FBXO32: variants seen among roughly 807,000 people sequenced by gnomAD.
The protein encoded by FBXO32 is F-box only protein 32.
FBXO32 carries 15 observed loss-of-function variants against 48.3 expected under a neutral mutation model. That is an observed-to-expected ratio of 0.31 (90% CI 0.21 to 0.48). The LOEUF is 0.48. Ranked by LOEUF, FBXO32 falls within the 20% of genes least tolerant of loss-of-function variation. The probability of loss-of-function intolerance (pLI) is 0.99; values close to 1 mark genes in which losing one functional copy is unlikely to be tolerated. For synonymous variants in FBXO32, 154 were observed against 165.9 expected, an observed-to-expected ratio of 0.93 and a Z score of 0.55; for missense variants, 309 against 432.7, an observed-to-expected ratio of 0.71 and a Z score of 2.54.
At position 123,500,165 on chromosome 8, in the gene FBXO32, A is replaced by C. The variant is rs1816452209; in HGVS notation, c.*3208T>G. On this transcript the variant is annotated 3_prime_UTR_variant, in exon 9 of 9. Coordinates refer to ENST00000517956, the MANE Select transcript of FBXO32 (RefSeq NM_058229.4). ...TTTTTTTTTTTCTGGATCTTGCTCTAGTGTGAGCACTCCTGAACTTCACAT... is the reference window on the plus strand; with the variant it reads ...TTTTTTTTTTTCTGGATCTTGCTCTCGTGTGAGCACTCCTGAACTTCACAT... 1.3e-5 allele frequency: 2 copies of C among 151,764 alleles called. No individual in the cohort carries two copies. Among genetic ancestry groups the C allele is most frequent in the Admixed American group, 1.3e-4 (2 of 15,240 alleles). The allele number at this position is 151,764 out of a possible 1,614,324, so 9.4% of individuals were successfully genotyped here.
chr8:123,517,419 A>G (rs1326479384), intron 4 of FBXO32, among the ~76,000 whole-genome samples: 1 of 152,176 alleles, frequency 6.6e-6, no homozygotes, highest in Non-Finnish European at 1.5e-5. Flanking sequence ...AACTGACAGC[A>G]TAACGACATG....
intron 1 of FBXO32, among the ~76,000 whole-genome samples, chr8:123,538,865 G>T (rs1817359661): frequency 6.6e-6 from 1 of 152,130 alleles, no homozygotes; most frequent in South Asian, 2.1e-4. Context: ...CCTGATTCCA[G>T]CCCAGTCTAA....
chr8:123,536,373 T>G (rs1426471529), intron 1 of FBXO32, among the ~76,000 whole-genome samples: 1 of 152,076 alleles, frequency 6.6e-6, no homozygotes, highest in Non-Finnish European at 1.5e-5. Context: ...AACACATGAG[T>G]GTGTTTCTGT....
intron 6 of FBXO32, among the ~76,000 whole-genome samples, chr8:123,507,438 G>GGTGGGTGT (rs1816649747): frequency 7.2e-6 from 1 of 139,802 alleles, no homozygotes; most frequent in Non-Finnish European, 1.5e-5. Flanking sequence ...TCTGTGCTAG[G>GGTGGGTGT]GTGTGTGTGT....
intron 4 of FBXO32, among the ~76,000 whole-genome samples, chr8:123,528,630 T>A (rs951340198): frequency 6.6e-6 from 1 of 152,204 alleles, no homozygotes; most frequent in Non-Finnish European, 1.5e-5. Flanking sequence ...TATAAACATC[T>A]TTCTAAGTTA....
chr8:123,510,948 C>G (rs1816723089), intron 6 of FBXO32, among the ~76,000 whole-genome samples: 1 of 152,214 alleles, frequency 6.6e-6, no homozygotes, highest in Admixed American at 6.5e-5. Flanking sequence ...AAGAAGGCAG[C>G]AAGCTTCAAA....
At chr8:123,535,070 C>T (rs1435073070) in intron 1 of FBXO32, among the ~76,000 whole-genome samples, 1 of 151,540 alleles carries the variant, frequency 6.6e-6, no homozygotes, top group Non-Finnish European at 1.5e-5. Flanking sequence ...CTAACAGTGC[C>T]TTGCATTGTA....
At position 123,531,879 on chromosome 8, in the gene FBXO32, T is replaced by C. The variant is rs148639338; in HGVS notation, c.372+19A>G. On this transcript the variant is annotated intron_variant, in intron 4 of 8. Transcript: ENST00000517956. ...CTTGGGAAAGAGCCTGGATGAGCCT[T>C]TAGGCACTTGAGACTTACCCGGACC... is the stretch of plus-strand genomic sequence containing the variant. 3 of 1,613,464 alleles carry C rather than the reference T, an allele frequency of 1.9e-6. No individual in the cohort carries two copies. Among genetic ancestry groups the C allele is most frequent in the Non-Finnish European group, 2.5e-6 (3 of 1,179,768 alleles).
At chr8:123,521,151 C>T (rs1479630467) in intron 4 of FBXO32, among the ~76,000 whole-genome samples, 1 of 152,252 alleles carries the variant, frequency 6.6e-6, no homozygotes, top group Non-Finnish European at 1.5e-5. Context: ...TGTTCACTTA[C>T]TTGCTGATAG....
chr8:123,523,828 T>A (rs1459393274), intron 4 of FBXO32, among the ~76,000 whole-genome samples: 1 of 152,180 alleles, frequency 6.6e-6, no homozygotes, highest in African/African-American at 2.4e-5. Flanking sequence ...ATCTCTGATT[T>A]TGTGTATTTT....
intron 4 of FBXO32, 37 bp from the exon 5 acceptor site, chr8:123,514,370 C>T (rs1816796722): frequency 1.3e-6 from 2 of 1,534,338 alleles, no homozygotes; most frequent in Non-Finnish European, 1.8e-6. Context: ...GCTTAGAGTA[C>T]AGAGATATTT....
intron 4 of FBXO32, among the ~76,000 whole-genome samples, chr8:123,520,133 A>G (rs1259942413): frequency 1.3e-5 from 2 of 152,174 alleles, no homozygotes; most frequent in Admixed American, 1.3e-4. Context: ...CGTGCCTAGG[A>G]AAGTAGGTTT....
In FBXO32 at chr8:123,507,438, GGTGTGTGTGTGT is replaced by G. The variant is rs200031056; in HGVS notation, c.652-876_652-865del. 9.6e-4 allele frequency among the ~76,000 whole-genome samples: 134 copies of G among 139,884 alleles called. 1 individual carries two copies. Among genetic ancestry groups the G allele is most frequent in the African/African-American group, 2.7e-3 (101 of 37,612 alleles). 91.8% of individuals were successfully genotyped at this position (139,884 alleles called of 152,430 possible). A position where few individuals can be genotyped will look rare whatever the true frequency, so the allele number is the denominator to read the frequency against. ...CAATAACACAGAGACTCTGTGCTAG[GGTGTGTGTGTGT>G]GTGTGTGTGTGTGTGTGTGTGTGTG... is the stretch of plus-strand genomic sequence containing the variant. On this transcript the variant is annotated intron_variant, in intron 6 of 8. Coordinates refer to ENST00000517956, the MANE Select transcript of FBXO32 (RefSeq NM_058229.4).
At chr8:123,532,966 A>G (rs1287045009) in intron 3 of FBXO32, among the ~76,000 whole-genome samples, 1 of 152,238 alleles carries the variant, frequency 6.6e-6, no homozygotes. Flanking sequence ...TTTTACATAC[A>G]TAATCTCATT....
chr8:123,529,231 T>G (rs80199748), intron 4 of FBXO32, among the ~76,000 whole-genome samples: 4,137 of 152,304 alleles, frequency 0.027, 192 homozygotes, highest in African/African-American at 0.091. Flanking sequence ...AAAGCGCTCA[T>G]GATGTATTTT....
chr8:123,517,417 G>A (rs75714488), intron 4 of FBXO32, among the ~76,000 whole-genome samples: 1,574 of 152,090 alleles, frequency 0.01, 25 homozygotes, highest in African/African-American at 0.035. Flanking sequence ...TCAACTGACA[G>A]CATAACGACA....
chr8:123,528,938 C>T (rs962794896), intron 4 of FBXO32, among the ~76,000 whole-genome samples: 1 of 152,004 alleles, frequency 6.6e-6, no homozygotes, highest in Admixed American at 6.5e-5. Context: ...CAAAGTAGTA[C>T]GATGGGGATA....
intron 3 of FBXO32, among the ~76,000 whole-genome samples, chr8:123,532,755 A>T (rs1180971862): frequency 1.3e-5 from 2 of 152,230 alleles, no homozygotes; most frequent in African/African-American, 4.8e-5. Flanking sequence ...AGTTATTACA[A>T]TGTCTTGTCC....
chr8:123,521,599 T>C (rs1219637048), intron 4 of FBXO32, among the ~76,000 whole-genome samples: 1 of 152,200 alleles, frequency 6.6e-6, no homozygotes, highest in African/African-American at 2.4e-5. Flanking sequence ...TTCCTCTACC[T>C]GTTAGTTTAA....
Sources: gnomAD v4.1 joint callset for allele counts (sites outside exome capture counted in the v4.1 genomes callset) on GRCh38, gnomAD v4.1.1 for gene constraint, MANE v1.5 for transcripts, NCBI Gene and HGNC (gene_info 2026-07-23, HGNC 2026-07-21) for gene names.